The following SDK1 variants were observed in gnomAD, a reference collection of about 807,000 sequenced individuals.
SDK1 encodes the protein protein sidekick-1.
Under a neutral mutation model 245.5 loss-of-function variants are expected in SDK1, and 157 were observed. The observed-to-expected ratio is 0.64, with a 90% confidence interval of 0.56 to 0.73. The LOEUF (loss-of-function observed/expected upper bound fraction) is 0.73, where lower values mean the gene tolerates loss of function less well. SDK1 is among the 30% of genes least tolerant of loss of function. SDK1 has a pLI of 0.00. For synonymous variants in SDK1, 1,647 were observed against 1,278.5 expected (o/e 1.29, Z -6.15); for missense variants, 3,583 against 3,002.3 (o/e 1.19, Z -4.52).
chr7:3,423,573 T>C (rs1417614328), intron 1 of SDK1, among the ~76,000 whole-genome samples: 1 of 103,208 alleles, frequency 9.7e-6, no homozygotes, highest in Non-Finnish European at 1.8e-5. Flanking sequence ...AAACAGTGGC[T>C]TTTTTTTTTT....
intron 4 of SDK1, 33 bp downstream of exon 4, chr7:3,642,138 C>G (rs777160983): frequency 1.3e-5 from 20 of 1,597,730 alleles, no homozygotes; most frequent in Non-Finnish European, 1.5e-5. Flanking sequence ...GCTTCAAATA[C>G]AATTGTAATG....
chr7:3,480,367 ACTACT>A (rs1562512281), intron 1 of SDK1, among the ~76,000 whole-genome samples: 1 of 151,958 alleles, frequency 6.6e-6, no homozygotes, highest in Non-Finnish European at 1.5e-5. Flanking sequence ...TCATGTAGGA[ACTACT>A]GGAAGAACTT....
intron 5 of SDK1, among the ~76,000 whole-genome samples, chr7:3,930,000 C>T (rs190539111): frequency 1.3e-5 from 2 of 151,990 alleles, no homozygotes; most frequent in African/African-American, 4.8e-5. Context: ...ATTTTCTTTA[C>T]CTAATTGGTA....
intron 4 of SDK1, among the ~76,000 whole-genome samples, chr7:3,782,226 G>A (rs1583408256): frequency 1.3e-5 from 2 of 152,324 alleles, no homozygotes; most frequent in Non-Finnish European, 2.9e-5. Flanking sequence ...CAAAGGGGAA[G>A]CACTTGTCTC....
chr7:4,129,562 A>G, intron 26 of SDK1: 4 of 742,626 alleles, frequency 5.4e-6, no homozygotes, highest in Non-Finnish European at 7.1e-6. Flanking sequence ...CTCCTGTGGC[A>G]GGAAGCAGAG....
intron 5 of SDK1, among the ~76,000 whole-genome samples, chr7:3,836,322 ATATATAACT>A (rs1444409930): frequency 6.6e-6 from 1 of 152,252 alleles, no homozygotes; most frequent in Non-Finnish European, 1.5e-5. Flanking sequence ...TATAAGTCAC[ATATATAACT>A]TATACACATA....
At chr7:4,234,497 A>G (rs978278033) in intron 41 of SDK1, among the ~76,000 whole-genome samples, 6 of 152,150 alleles carry the variant, frequency 3.9e-5, no homozygotes, top group Non-Finnish European at 5.9e-5. Flanking sequence ...CCACAGGGGA[A>G]GGGAAACCTG....
intron 1 of SDK1, among the ~76,000 whole-genome samples, chr7:3,490,782 G>A (rs948051390): frequency 5.3e-5 from 8 of 152,126 alleles, no homozygotes; most frequent in Admixed American, 1.3e-4. Context: ...TATTGGAGGG[G>A]GCTGCACATC....
At chr7:3,743,216 G>C (rs777775599) in intron 4 of SDK1, among the ~76,000 whole-genome samples, 12 of 152,162 alleles carry the variant, frequency 7.9e-5, no homozygotes, top group Admixed American at 5.9e-4. Flanking sequence ...GTGAGGGGTA[G>C]TTTAAAAGAG....
chr7:3,625,941 T>TG (rs1782103324), intron 2 of SDK1, among the ~76,000 whole-genome samples: 1 of 99,702 alleles, frequency 1.0e-5, no homozygotes, highest in South Asian at 4.6e-4. Flanking sequence ...TTCTTTTCTT[T>TG]CTTTTTTTTT....
At chr7:4,080,218 G>A (rs181245794) in intron 22 of SDK1, among the ~76,000 whole-genome samples, 402 of 152,214 alleles carry the variant, frequency 2.6e-3, no homozygotes, top group African/African-American at 9.3e-3. Context: ...GGTTCCACAG[G>A]ACTTGAGAGA....
chr7:3,494,148 C>T (rs1781950382), intron 1 of SDK1, among the ~76,000 whole-genome samples: 1 of 152,048 alleles, frequency 6.6e-6, no homozygotes, highest in Non-Finnish European at 1.5e-5. Flanking sequence ...TCCCCACTGC[C>T]CCAACATTCA....
chr7:4,179,943 G>T (rs1782492960), intron 35 of SDK1, among the ~76,000 whole-genome samples: 1 of 151,892 alleles, frequency 6.6e-6, no homozygotes, highest in Non-Finnish European at 1.5e-5. Context: ...GAAGGTGTGG[G>T]TGTCAGAGCT....
rs764359846 is a variant in SDK1 at position 4,011,022 on chromosome 7, G to A, written c.2188G>A (p.Val730Met). ...TGGCCCTGAGATGACAGGCGTCACCGTGAGTGGCCTGACTCCGGCTCGTAC... is the reference window on the plus strand; with the variant it reads ...TGGCCCTGAGATGACAGGCGTCACCATGAGTGGCCTGACTCCGGCTCGTAC... ...NVGPEMTGVTVSGLTPARTYQ... is the reference protein window; with the variant it reads ...NVGPEMTGVTMSGLTPARTYQ... Residue 730 changes from valine (V) to methionine (M), a missense_variant, in exon 15 of 45, where the codon GTG (valine) becomes ATG (methionine). Physicochemically the swap from Val to Met is conservative, Grantham distance 21. Transcript: ENST00000404826. The A allele has an allele frequency of 9.3e-6, 15 of 1,614,084 alleles. No homozygotes were observed. Among genetic ancestry groups the A allele is most frequent in the South Asian group, 2.2e-5 (2 of 91,086 alleles).
chr7:4,217,066 C>A (rs1456236294), intron 38 of SDK1, among the ~76,000 whole-genome samples: 26 of 22,078 alleles, frequency 1.2e-3, no homozygotes, highest in African/African-American at 6.0e-3. Context: ...CCACCCGGAG[C>A]ACCAGGCCAC....
intron 4 of SDK1, among the ~76,000 whole-genome samples, chr7:3,763,928 C>T (rs938499190): frequency 2.6e-5 from 4 of 152,248 alleles, no homozygotes; most frequent in South Asian, 2.1e-4. Flanking sequence ...ATATCACTGC[C>T]ACTGTTACCT....
At chr7:3,947,128 G>T (rs749413130) in intron 5 of SDK1, among the ~76,000 whole-genome samples, 10 of 151,822 alleles carry the variant, frequency 6.6e-5, no homozygotes, top group Admixed American at 1.3e-4. Flanking sequence ...ATTTACCATT[G>T]TAACTCTAAG....
At chr7:3,540,575 G>A (rs1779027221) in intron 1 of SDK1, among the ~76,000 whole-genome samples, 1 of 152,204 alleles carries the variant, frequency 6.6e-6, no homozygotes, top group African/African-American at 2.4e-5. Flanking sequence ...AAGGTTGATG[G>A]ACATCTGCTA....
intron 35 of SDK1, among the ~76,000 whole-genome samples, chr7:4,203,112 C>T (rs12666923): frequency 0.32 from 49,391 of 152,124 alleles, 8,773 homozygotes; most frequent in African/African-American, 0.47. Flanking sequence ...TCCAGCCCAC[C>T]CCTTCCCGCA....
Sources: allele counts gnomAD v4.1 joint callset (sites outside exome capture counted in the v4.1 genomes callset), GRCh38; gene constraint gnomAD v4.1.1; transcripts MANE v1.5; gene names NCBI Gene and HGNC (gene_info 2026-07-23, HGNC 2026-07-21).